The following TRAK1 variants were observed in gnomAD, a reference collection of about 807,000 sequenced individuals.
The protein encoded by TRAK1 is trafficking kinesin-binding protein 1.
Under a neutral mutation model 92.1 loss-of-function variants are expected in TRAK1, and 33 were observed. That is an observed-to-expected ratio of 0.36 (90% CI 0.27 to 0.48). The LOEUF is 0.48. TRAK1 is among the 20% of genes least tolerant of loss of function. TRAK1 has a pLI of 0.99. For missense variants in TRAK1, 1,123 were observed against 1,257.9 expected (o/e 0.89, Z 1.62); for synonymous variants, 521 against 517.3 (o/e 1.01, Z -0.10).
intron 15 of TRAK1, among the ~76,000 whole-genome samples, chr3:42,221,071 C>CTTTTTTTTT (rs369421571): frequency 3.5e-5 from 3 of 85,394 alleles, no homozygotes; most frequent in African/African-American, 1.0e-4. Context: ...AGAGAAGGCT[C>CTTTTTTTTT]TTTTTTTTTT....
chr3:42,069,305 A>G (rs11719429), intron 1 of TRAK1, among the ~76,000 whole-genome samples: 75,520 of 147,660 alleles, frequency 0.51, 20,704 homozygotes, highest in South Asian at 0.68. Context: ...TGGGTGACAC[A>G]GCAAGACCCT....
At chr3:42,221,363 T>C (rs1477758895) in intron 15 of TRAK1, among the ~76,000 whole-genome samples, 1 of 152,002 alleles carries the variant, frequency 6.6e-6, no homozygotes, top group East Asian at 1.9e-4. Flanking sequence ...ACCCCTGAGC[T>C]TGTGTGAGAT....
chr3:42,013,988 C>G lies in TRAK1; in HGVS notation c.-648C>G, dbSNP rs1017830413. On this transcript the variant is annotated 5_prime_UTR_variant, in exon 1 of 17. Transcript: ENST00000487159. The surrounding 1 kb of genome is among the most constrained non-coding windows in gnomAD (Gnocchi z 5.1). ...CGCGAGTGCCCCCGTGCCGCCCGGC[C>G]GGCTGCAGCGGAGGGAACCGAAGCC... 1 of 150,726 alleles carries G rather than the reference C, an allele frequency of 6.6e-6. No homozygotes were observed. The highest frequency in any genetic ancestry group is 2.0e-4 in the East Asian group (1 of 5,084). 9.3% of individuals were successfully genotyped at this position (150,726 alleles called of 1,614,324 possible). A position where few individuals can be genotyped will look rare whatever the true frequency, so the allele number is the denominator to read the frequency against.
At chr3:42,215,451 A>T (rs1483419715) in intron 14 of TRAK1, among the ~76,000 whole-genome samples, 3 of 152,132 alleles carry the variant, frequency 2.0e-5, no homozygotes, top group Non-Finnish European at 4.4e-5. Flanking sequence ...TTTTCAATAG[A>T]TTTGTTTTTA....
At position 42,149,430 on chromosome 3, in the gene TRAK1, A is replaced by T; in HGVS notation, c.286+23816A>T. On this transcript the variant is annotated intron_variant, in intron 2 of 15. Transcript: ENST00000327628. ...CAGCCTAATTCTGGTGTGTTTCGGG[A>T]TATTCTTCTGTCCAGTATTCTGGAA... 7 of 1,513,078 alleles carry T rather than the reference A, an allele frequency of 4.6e-6. No homozygotes were observed. The South Asian group carries it at 8.8e-5, about 19-fold the overall frequency. 93.7% of individuals were successfully genotyped at this position (1,513,078 alleles called of 1,614,324 possible). A position where few individuals can be genotyped will look rare whatever the true frequency, so the allele number is the denominator to read the frequency against.
chr3:42,092,757 T>TGTTATGTTAC (rs1705290759), intron 1 of TRAK1, among the ~76,000 whole-genome samples: 1 of 150,888 alleles, frequency 6.6e-6, no homozygotes. Context: ...TGTTATGTTA[T>TGTTATGTTAC]GTTATGTTAT....
intron 2 of TRAK1, among the ~76,000 whole-genome samples, chr3:42,169,299 C>A (rs1702258352): frequency 6.6e-6 from 1 of 151,812 alleles, no homozygotes; most frequent in Non-Finnish European, 1.5e-5. Context: ...AACTTCATTC[C>A]TTTTTATGAC....
At chr3:42,039,812 G>T (rs1264939698) in intron 1 of TRAK1, among the ~76,000 whole-genome samples, 2 of 152,178 alleles carry the variant, frequency 1.3e-5, no homozygotes, top group Non-Finnish European at 2.9e-5. Context: ...GTTTTCCTAT[G>T]TGTCTGCACC....
At chr3:42,088,630 C>A (rs1043470322), upstream of TRAK1, among the ~76,000 whole-genome samples, 1 of 152,312 alleles carries the variant, frequency 6.6e-6, no homozygotes, top group East Asian at 1.9e-4. Context: ...TCTCTGGAGT[C>A]CACTGCAGGC....
chr3:42,165,843 C>G (rs1194093631), intron 2 of TRAK1, among the ~76,000 whole-genome samples: 1 of 152,016 alleles, frequency 6.6e-6, no homozygotes. Context: ...CCACGCAGGC[C>G]TCCTGTGGGG....
chr3:42,018,453 C>A (rs1282603475), intron 1 of TRAK1, among the ~76,000 whole-genome samples: 1 of 152,082 alleles, frequency 6.6e-6, no homozygotes, highest in African/African-American at 2.4e-5. Flanking sequence ...GATAGTCTAT[C>A]CAGAGGAAGT....
intron 1 of TRAK1, among the ~76,000 whole-genome samples, chr3:42,064,571 G>T (rs1281950605): frequency 6.6e-6 from 1 of 152,086 alleles, no homozygotes; most frequent in Non-Finnish European, 1.5e-5. Flanking sequence ...GCTTCATTAT[G>T]AACTTATTAT....
At chr3:42,101,868 T>C (rs1706803460) in intron 1 of TRAK1, among the ~76,000 whole-genome samples, 2 of 152,226 alleles carry the variant, frequency 1.3e-5, no homozygotes, top group Non-Finnish European at 2.9e-5. Context: ...GAGCTGTTGG[T>C]GAGTCCAGCA....
intron 1 of TRAK1, chr3:42,051,644 C>G (rs762994741): frequency 3.9e-5 from 6 of 152,218 alleles, no homozygotes; most frequent in Admixed American, 6.5e-5. Context: ...CCATATGGAC[C>G]AGCTTGAGCA....
intron 6 of TRAK1, among the ~76,000 whole-genome samples, chr3:42,190,537 A>G (rs1249370293): frequency 6.6e-6 from 1 of 152,130 alleles, no homozygotes; most frequent in Non-Finnish European, 1.5e-5. Flanking sequence ...TTCTGAGTTC[A>G]GTGCTACCTC....
intron 8 of TRAK1, among the ~76,000 whole-genome samples, chr3:42,193,516 G>A (rs575856291): frequency 3.3e-5 from 5 of 152,224 alleles, no homozygotes; most frequent in South Asian, 2.1e-4. Flanking sequence ...CACTAGATAT[G>A]TGCTGCAGTA....
chr3:42,204,168 A>G (rs1007984061), intron 13 of TRAK1: 3 of 985,640 alleles, frequency 3.0e-6, no homozygotes, highest in African/African-American at 1.7e-5. Context: ...CTTCAATAAA[A>G]TCTTTCATTT....
At chr3:42,087,138 A>C (rs577621754), upstream of TRAK1, 24 of 152,702 alleles carry the variant, frequency 1.6e-4, no homozygotes, top group East Asian at 4.6e-3. Flanking sequence ...GTGCACCAGA[A>C]CTACCGGGGG....
rs1290349291 is a variant in TRAK1 at position 42,202,744 on chromosome 3, C to T, written c.1736C>T (p.Pro579Leu). Residue 579 changes from proline (P) to leucine (L), a missense_variant, in exon 13 of 16, where the codon CCG becomes CTG. Pro to Leu is a moderately conservative substitution (Grantham distance 98). This residue lies in a region of TRAK1 where 36 missense variants were observed against 71.3 expected (regional missense o/e 0.50). Coordinates refer to ENST00000327628, the MANE Select transcript of TRAK1 (RefSeq NM_001042646.3). The surrounding 1 kb of genome is among the most constrained non-coding windows in gnomAD (Gnocchi z 6.1). ...CCTGAGAAGCTCCAGATCGTGAAGC[C>T]GCTGGAAGGTGATCACGCGGGGCCT... ...YLPEKLQIVK[P>L]LEGSATLHHW... The T allele has an allele frequency of 3.1e-6, 5 of 1,613,774 alleles. No homozygotes were observed. Among genetic ancestry groups the T allele is most frequent in the Non-Finnish European group, 4.2e-6 (5 of 1,179,770 alleles).
Sources: allele counts gnomAD v4.1 joint callset (sites outside exome capture counted in the v4.1 genomes callset), GRCh38; gene constraint gnomAD v4.1.1; regional missense constraint gnomAD v4.1.1; non-coding constraint Gnocchi (gnomAD v3.1); transcripts MANE v1.5; gene names NCBI Gene and HGNC (gene_info 2026-07-23, HGNC 2026-07-21).